EXOC4: variants seen among roughly 807,000 people sequenced by gnomAD.
The protein encoded by EXOC4 is exocyst complex component 4, also known as SEC8-like 1.
A neutral mutation model predicts 107.2 loss-of-function variants in EXOC4; 71 were observed. The observed-to-expected ratio is 0.66, with a 90% CI of 0.55 to 0.81. EXOC4 has a LOEUF of 0.81. EXOC4 is among the 30% of genes least tolerant of loss of function. EXOC4 has a pLI of 0.00. For missense variants in EXOC4, 1,108 were observed against 1,189.6 expected, an observed-to-expected ratio of 0.93 and a Z score of 1.01; for synonymous variants, 456 against 441.2, an observed-to-expected ratio of 1.03 and a Z score of -0.42.
chr7:133,722,777 C>T (rs1199353899), intron 10 of EXOC4, among the ~76,000 whole-genome samples: 1 of 152,138 alleles, frequency 6.6e-6, no homozygotes, highest in Non-Finnish European at 1.5e-5. Flanking sequence ...TCCAAACTGC[C>T]CTAAATTGTT....
intron 17 of EXOC4, among the ~76,000 whole-genome samples, chr7:134,047,721 T>G (rs1795689575): frequency 6.6e-6 from 1 of 152,164 alleles, no homozygotes; most frequent in East Asian, 1.9e-4. Flanking sequence ...GACCCTTTAT[T>G]TATCTGCCAA....
chr7:133,896,638 T>G (rs1309364642), intron 12 of EXOC4, among the ~76,000 whole-genome samples: 2 of 148,440 alleles, frequency 1.3e-5, no homozygotes, highest in Admixed American at 1.3e-4. Context: ...AGTTGCCCCC[T>G]ATTTTATTTT....
intron 11 of EXOC4, among the ~76,000 whole-genome samples, chr7:133,828,050 A>G (rs1563017081): frequency 6.6e-6 from 1 of 152,170 alleles, no homozygotes; most frequent in Non-Finnish European, 1.5e-5. Context: ...TGGGGTAAGC[A>G]TTTTGAGGTT....
At chr7:133,948,945 C>T (rs909616465) in intron 14 of EXOC4, among the ~76,000 whole-genome samples, 2 of 152,172 alleles carry the variant, frequency 1.3e-5, no homozygotes, top group African/African-American at 2.4e-5. Flanking sequence ...CCTTTGTTTC[C>T]CCACGGAGGC....
chr7:133,531,082 T>C (rs562948902), intron 9 of EXOC4, among the ~76,000 whole-genome samples: 2 of 152,284 alleles, frequency 1.3e-5, no homozygotes, highest in East Asian at 3.9e-4. Context: ...TCTTCAGATA[T>C]GTATTTTCTG....
intron 7 of EXOC4, among the ~76,000 whole-genome samples, chr7:133,436,062 G>GT (rs1797966170): frequency 1.7e-5 from 2 of 117,620 alleles, no homozygotes; most frequent in East Asian, 2.7e-4. Flanking sequence ...TTTTTTTTTT[G>GT]TTTTTTTAAA....
chr7:133,791,120 T>G (rs1318002166), intron 10 of EXOC4, among the ~76,000 whole-genome samples: 1 of 152,194 alleles, frequency 6.6e-6, no homozygotes, highest in East Asian at 1.9e-4. Flanking sequence ...TCCACTCTTT[T>G]CCACTGAGAA....
intron 17 of EXOC4, among the ~76,000 whole-genome samples, chr7:134,038,595 A>G (rs984715322): frequency 6.6e-6 from 1 of 151,990 alleles, no homozygotes; most frequent in Non-Finnish European, 1.5e-5. Context: ...CTGATTCCTC[A>G]TCTCTTTCCC....
intron 3 of EXOC4, among the ~76,000 whole-genome samples, chr7:133,295,992 T>C (rs1794511700): frequency 6.6e-6 from 1 of 152,142 alleles, no homozygotes; most frequent in Non-Finnish European, 1.5e-5. Context: ...CCGTATGGAT[T>C]TTCCACAACA....
the EXOC4 span, among the ~76,000 whole-genome samples, chr7:134,081,103 G>T: frequency 6.6e-6 from 1 of 152,130 alleles, no homozygotes; most frequent in Non-Finnish European, 1.5e-5. Flanking sequence ...AGCACTTTGG[G>T]AGGCTGAGGC....
intron 14 of EXOC4, among the ~76,000 whole-genome samples, chr7:133,983,257 A>G (rs1370014430): frequency 6.6e-6 from 1 of 152,072 alleles, no homozygotes; most frequent in Non-Finnish European, 1.5e-5. Context: ...ACTAGGCCCC[A>G]CCTCCAACAT....
At chr7:133,269,888 T>C (rs188108788) in intron 1 of EXOC4, among the ~76,000 whole-genome samples, 2 of 152,298 alleles carry the variant, frequency 1.3e-5, no homozygotes, top group Admixed American at 1.3e-4. Flanking sequence ...CCTTAAAGAC[T>C]GTGCCTTGAA....
chr7:134,034,921 A>G (rs2116494593), intron 17 of EXOC4, among the ~76,000 whole-genome samples: 1 of 152,370 alleles, frequency 6.6e-6, no homozygotes, highest in Middle Eastern at 3.4e-3. Flanking sequence ...GATAGTATGT[A>G]AATGTTTATC....
intron 11 of EXOC4, among the ~76,000 whole-genome samples, chr7:133,845,329 G>A (rs578158917): frequency 1.5e-5 from 2 of 135,294 alleles, no homozygotes; most frequent in Non-Finnish European, 3.1e-5. Flanking sequence ...TGATAGGCAG[G>A]TTAGTAGTGT....
intron 10 of EXOC4, among the ~76,000 whole-genome samples, chr7:133,697,253 TG>T (rs943327446): frequency 1.3e-5 from 2 of 152,218 alleles, no homozygotes; most frequent in African/African-American, 4.8e-5. Context: ...TCTTTGTCTC[TG>T]TTTTTTTAAA....
At chr7:133,414,241 G>T (rs1584898069) in intron 7 of EXOC4, among the ~76,000 whole-genome samples, 2 of 152,024 alleles carry the variant, frequency 1.3e-5, no homozygotes, top group East Asian at 3.8e-4. Flanking sequence ...TTGCTAATAG[G>T]GAAATGAAAA....
At chr7:133,511,470 T>G (rs536274302) in intron 9 of EXOC4, among the ~76,000 whole-genome samples, 4 of 152,290 alleles carry the variant, frequency 2.6e-5, no homozygotes, top group African/African-American at 9.6e-5. Context: ...ATAAGGATTG[T>G]TCTTCATTTG....
At chr7:134,002,382 A>C (rs1383454178) in intron 15 of EXOC4, among the ~76,000 whole-genome samples, 1 of 152,184 alleles carries the variant, frequency 6.6e-6, no homozygotes, top group Non-Finnish European at 1.5e-5. Flanking sequence ...CTAGAAGAAA[A>C]CATAGGAAAA....
At chr7:133,910,094 G>A (rs1585241567) in intron 12 of EXOC4, among the ~76,000 whole-genome samples, 1 of 132,180 alleles carries the variant, frequency 7.6e-6, no homozygotes, top group African/African-American at 2.8e-5. Context: ...CAGCTAATTT[G>A]TATTTTTAGT....
Sources: gnomAD v4.1 joint callset for allele counts (sites outside exome capture counted in the v4.1 genomes callset) on GRCh38, gnomAD v4.1.1 for gene constraint, MANE v1.5 for transcripts, NCBI Gene and HGNC (gene_info 2026-07-23, HGNC 2026-07-21) for gene names.